The following CAMK4 variants were observed in gnomAD, a reference collection of about 807,000 sequenced individuals.
The protein encoded by CAMK4 is calcium/calmodulin-dependent protein kinase type IV.
Under a neutral mutation model 44.9 loss-of-function variants are expected in CAMK4, and 22 were observed. The ratio of observed to expected loss-of-function variants is 0.49; its 90% CI spans 0.35 to 0.70. The LOEUF (loss-of-function observed/expected upper bound fraction) is 0.70. CAMK4 is among the 30% of genes least tolerant of loss of function. The pLI is 0.01. For synonymous variants in CAMK4, 218 were observed against 215.4 expected (o/e 1.01, Z -0.11); for missense variants, 498 against 586.8 (o/e 0.85, Z 1.56).
intron 1 of CAMK4, among the ~76,000 whole-genome samples, chr5:111,225,885 TA>T (rs1348285725): frequency 6.6e-6 from 1 of 152,248 alleles, no homozygotes; most frequent in Non-Finnish European, 1.5e-5. Context: ...AATGTATACA[TA>T]AACATCCATT....
chr5:111,390,529 A>G (rs572338056), intron 4 of CAMK4, among the ~76,000 whole-genome samples: 1 of 152,304 alleles, frequency 6.6e-6, no homozygotes, highest in Non-Finnish European at 1.5e-5. Flanking sequence ...AAAATATGCT[A>G]TTTGAGGTAC....
At chr5:111,344,733 G>A (rs1749799320) in intron 2 of CAMK4, among the ~76,000 whole-genome samples, 1 of 151,696 alleles carries the variant, frequency 6.6e-6, no homozygotes, top group Admixed American at 6.6e-5. Flanking sequence ...TCATAGATAA[G>A]CTGAGGAGGC....
chr5:111,324,713 A>G (rs1748802447), intron 1 of CAMK4, among the ~76,000 whole-genome samples: 1 of 152,138 alleles, frequency 6.6e-6, no homozygotes, highest in Admixed American at 6.6e-5. Context: ...ACACTTACAG[A>G]ACATCAGATT....
chr5:111,266,885 C>A (rs947636492), intron 1 of CAMK4, among the ~76,000 whole-genome samples: 1 of 152,188 alleles, frequency 6.6e-6, no homozygotes, highest in Non-Finnish European at 1.5e-5. Context: ...ATACTGTTCT[C>A]CATTGGTTTC....
At chr5:111,483,931 A>G in intron 10 of CAMK4, 95 bp from the exon 11 acceptor site, 1 of 964,868 alleles carries the variant, frequency 1.0e-6, no homozygotes, top group Middle Eastern at 3.5e-4. Context: ...ACGCTAACCT[A>G]TAAAACGGAA....
At chr5:111,272,119 T>C (rs1309932290) in intron 1 of CAMK4, among the ~76,000 whole-genome samples, 2 of 148,572 alleles carry the variant, frequency 1.3e-5, no homozygotes, top group African/African-American at 5.1e-5. Context: ...GTGTGTGTGT[T>C]TGTGTGTGTG....
intron 2 of CAMK4, among the ~76,000 whole-genome samples, chr5:111,368,545 A>G (rs962911004): frequency 2.0e-5 from 3 of 152,126 alleles, no homozygotes; most frequent in Non-Finnish European, 4.4e-5. Context: ...GCTATTTAAG[A>G]AGCTCTCAGA....
intron 1 of CAMK4, among the ~76,000 whole-genome samples, chr5:111,301,463 G>C (rs1174037437): frequency 6.6e-6 from 1 of 152,136 alleles, no homozygotes; most frequent in African/African-American, 2.4e-5. Context: ...ACTAAGTCCT[G>C]ATCTTACTGG....
chr5:111,467,373 C>CAAAAAAAAAAAA (rs34201915), intron 7 of CAMK4, among the ~76,000 whole-genome samples: 7 of 49,500 alleles, frequency 1.4e-4, no homozygotes, highest in Non-Finnish European at 2.1e-4. Flanking sequence ...TTCTGCATAG[C>CAAAAAAAAAAAA]AAAAAAAAAA....
intron 1 of CAMK4, among the ~76,000 whole-genome samples, chr5:111,272,791 T>C (rs1044188579): frequency 2.0e-5 from 3 of 152,214 alleles, no homozygotes; most frequent in Non-Finnish European, 4.4e-5. Flanking sequence ...ATCACTTCTC[T>C]GTATAATCCT....
intron 7 of CAMK4, among the ~76,000 whole-genome samples, chr5:111,457,107 A>C (rs973193889): frequency 6.6e-6 from 1 of 152,200 alleles, no homozygotes; most frequent in Non-Finnish European, 1.5e-5. Flanking sequence ...GGGGAATTCA[A>C]GTTTCTTTGG....
chr5:111,481,010 G>T (rs1755417359), intron 9 of CAMK4, among the ~76,000 whole-genome samples: 1 of 152,204 alleles, frequency 6.6e-6, no homozygotes. Flanking sequence ...GTGCTAAGGA[G>T]TTGGGGAATT....
At chr5:111,457,952 GT>G (rs1198023372) in intron 7 of CAMK4, among the ~76,000 whole-genome samples, 2 of 152,190 alleles carry the variant, frequency 1.3e-5, no homozygotes, top group African/African-American at 4.8e-5. Flanking sequence ...TAAAATTCCA[GT>G]TGCACTGACT....
At chr5:111,230,482 G>A (rs568848877) in intron 1 of CAMK4, among the ~76,000 whole-genome samples, 6 of 151,706 alleles carry the variant, frequency 4.0e-5, no homozygotes, top group African/African-American at 1.2e-4. Flanking sequence ...TGAAGGCTAC[G>A]ATAACATCAT....
chr5:111,371,333 C>T (rs946786524), intron 2 of CAMK4, among the ~76,000 whole-genome samples: 1 of 152,102 alleles, frequency 6.6e-6, no homozygotes, highest in Non-Finnish European at 1.5e-5. Context: ...TTAGAATAAG[C>T]CCACTGTTTT....
At chr5:111,449,307 C>A (rs1754147918) in intron 7 of CAMK4, 104 bp downstream of exon 7, 1 of 552,244 alleles carries the variant, frequency 1.8e-6, no homozygotes, top group South Asian at 3.1e-5. Context: ...TTTATAAATG[C>A]TTAAAATTTG....
At position 111,371,894 on chromosome 5, in the gene CAMK4, C is replaced by G. The variant is rs527727698; in HGVS notation, c.241-2956C>G. On this transcript the variant is annotated intron_variant, in intron 2 of 10. Coordinates refer to ENST00000282356, the MANE Select transcript of CAMK4 (RefSeq NM_001744.6). ...TCACCAATGACATCAAAACAATTGA[C>G]AAGGTTGCTGCCCAGAAGTAGAGAA... Among the ~76,000 whole-genome samples, 34 of 152,206 alleles carry G rather than the reference C, an allele frequency of 2.2e-4. 1 individual carries two copies. In the South Asian group the frequency reaches 5.2e-3, roughly 23 times the overall value.
At chr5:111,400,934 G>A (rs1752200412) in intron 5 of CAMK4, among the ~76,000 whole-genome samples, 1 of 152,086 alleles carries the variant, frequency 6.6e-6, no homozygotes. Context: ...ACCACCTTCA[G>A]TTCTTTCTTT....
intron 1 of CAMK4, among the ~76,000 whole-genome samples, chr5:111,254,506 T>C (rs1176936247): frequency 6.6e-6 from 1 of 152,204 alleles, no homozygotes; most frequent in Non-Finnish European, 1.5e-5. Context: ...TGCCAGAAAC[T>C]AATATTAATA....
Sources: gnomAD v4.1 joint callset for allele counts (sites outside exome capture counted in the v4.1 genomes callset) on GRCh38, gnomAD v4.1.1 for gene constraint, MANE v1.5 for transcripts, NCBI Gene and HGNC (gene_info 2026-07-23, HGNC 2026-07-21) for gene names.